The following CERS6 variants were observed in gnomAD, a reference collection of about 807,000 sequenced individuals.
The protein encoded by CERS6 is ceramide synthase 6, also known as LAG1 homolog, ceramide synthase 6.
In CERS6, 26 loss-of-function variants were observed where a neutral mutation model predicts 56.8. The ratio of observed to expected loss-of-function variants is 0.46; its 90% CI spans 0.34 to 0.63. The LOEUF (loss-of-function observed/expected upper bound fraction) is 0.63. CERS6 is among the 30% of genes least tolerant of loss of function. The pLI is 0.01. For synonymous variants in CERS6, 164 were observed against 173.3 expected (o/e 0.95, Z 0.42); for missense variants, 415 against 467.5 (o/e 0.89, Z 1.04).
intron 8 of CERS6, among the ~76,000 whole-genome samples, chr2:168,763,497 G>A (rs1006211540): frequency 1.3e-5 from 2 of 151,836 alleles, no homozygotes; most frequent in African/African-American, 4.8e-5. Context: ...CCTGACCTCA[G>A]GTGATCCACC....
intron 1 of CERS6, among the ~76,000 whole-genome samples, chr2:168,490,950 C>T (rs1485182391): frequency 6.6e-6 from 1 of 152,176 alleles, no homozygotes; most frequent in Admixed American, 6.5e-5. Context: ...CAATTTTCTT[C>T]TTTTCACTGT....
At chr2:168,628,093 CA>C (rs972428367) in intron 3 of CERS6, among the ~76,000 whole-genome samples, 1 of 152,136 alleles carries the variant, frequency 6.6e-6, no homozygotes, top group African/African-American at 2.4e-5. Flanking sequence ...ATTATATTGG[CA>C]ATGCCTAAAA....
chr2:168,615,492 A>G (rs1304225162), intron 3 of CERS6, among the ~76,000 whole-genome samples: 3 of 152,044 alleles, frequency 2.0e-5, no homozygotes, highest in Non-Finnish European at 4.4e-5. Flanking sequence ...TGAGGGAAGA[A>G]ATCTTTAGTG....
At chr2:168,544,951 A>G (rs1240525572) in intron 1 of CERS6, among the ~76,000 whole-genome samples, 1 of 151,860 alleles carries the variant, frequency 6.6e-6, no homozygotes, top group African/African-American at 2.4e-5. Context: ...GGCTTGTTTC[A>G]GTGTAGCTGA....
intron 4 of CERS6, among the ~76,000 whole-genome samples, chr2:168,662,144 A>C (rs1422414374): frequency 1.1e-5 from 1 of 93,704 alleles, no homozygotes; most frequent in Non-Finnish European, 2.4e-5. Flanking sequence ...TTTTTTTTTC[A>C]AATTCTGTAC....
intron 3 of CERS6, among the ~76,000 whole-genome samples, chr2:168,584,915 A>G (rs1158495071): frequency 2.0e-5 from 3 of 152,262 alleles, no homozygotes; most frequent in Admixed American, 6.5e-5. Context: ...ATGTAAGTGA[A>G]TATTATCTCT....
chr2:168,662,320 G>A (rs1685651621), intron 4 of CERS6, among the ~76,000 whole-genome samples: 1 of 151,924 alleles, frequency 6.6e-6, no homozygotes, highest in East Asian at 1.9e-4. Flanking sequence ...TTTTTGGCTA[G>A]TGCAATTGCA....
intron 3 of CERS6, among the ~76,000 whole-genome samples, chr2:168,583,673 C>T (rs1683474239): frequency 1.3e-5 from 2 of 152,098 alleles, no homozygotes; most frequent in African/African-American, 4.8e-5. Context: ...TGAAGCAGGA[C>T]CTTTAGAGGA....
At chr2:168,608,081 A>G (rs1259560022) in intron 3 of CERS6, among the ~76,000 whole-genome samples, 1 of 152,188 alleles carries the variant, frequency 6.6e-6, no homozygotes, top group Admixed American at 6.5e-5. Context: ...AACCACCACT[A>G]ATCTATTTTC....
At chr2:168,713,012 A>T (rs992183986) in intron 6 of CERS6, among the ~76,000 whole-genome samples, 2 of 152,008 alleles carry the variant, frequency 1.3e-5, no homozygotes, top group Non-Finnish European at 2.9e-5. Flanking sequence ...CTACTATAAG[A>T]GATCATTTAC....
chr2:168,561,695 G>A (rs1440375721), intron 3 of CERS6, among the ~76,000 whole-genome samples: 2 of 152,142 alleles, frequency 1.3e-5, no homozygotes, highest in African/African-American at 2.4e-5. Context: ...TAAAAACTGA[G>A]ATATTAGGAT....
chr2:168,765,270 A>G (rs1329353769), intron 8 of CERS6, among the ~76,000 whole-genome samples: 5 of 152,242 alleles, frequency 3.3e-5, no homozygotes, highest in African/African-American at 4.8e-5. Context: ...TTACACAACA[A>G]TGTGAATGTA....
chr2:168,715,358 T>A (rs1265296412), intron 7 of CERS6, among the ~76,000 whole-genome samples: 1 of 152,198 alleles, frequency 6.6e-6, no homozygotes, highest in Admixed American at 6.5e-5. Context: ...TGAAAACCTT[T>A]ACTGTTCTAT....
chr2:168,540,467 T>G (rs933510828), intron 1 of CERS6, among the ~76,000 whole-genome samples: 9 of 152,176 alleles, frequency 5.9e-5, no homozygotes, highest in Non-Finnish European at 1.2e-4. Flanking sequence ...CCATTCTGTT[T>G]TAATTGCCTA....
In CERS6 at chr2:168,581,335, C is replaced by G. The variant is rs79548457; in HGVS notation, c.407+20013C>G. On this transcript the variant is annotated intron_variant, in intron 3 of 9. Transcript: ENST00000305747. ...TGCCTGGCCCAATTGCTATCTTTAT[C>G]AGTTCTGGAAAATTCTCAGTCATTA... Among the ~76,000 whole-genome samples the G allele has an allele frequency of 5.6e-3, 848 of 152,294 alleles. 10 individuals carry two copies. Among genetic ancestry groups the G allele is most frequent in the African/African-American group, 0.019 (775 of 41,570 alleles).
intron 4 of CERS6, among the ~76,000 whole-genome samples, chr2:168,652,799 G>A (rs989733796): frequency 1.1e-4 from 16 of 152,006 alleles, no homozygotes; most frequent in African/African-American, 3.9e-4. Context: ...AAAAAATCAC[G>A]ATCTTCCTCA....
At chr2:168,546,223 C>G (rs1169141868) in intron 1 of CERS6, among the ~76,000 whole-genome samples, 1 of 152,078 alleles carries the variant, frequency 6.6e-6, no homozygotes, top group Non-Finnish European at 1.5e-5. Flanking sequence ...TACTTACTGT[C>G]AAGAAGGTAG....
chr2:168,477,026 T>G (rs1265064396), intron 1 of CERS6, among the ~76,000 whole-genome samples: 3 of 152,116 alleles, frequency 2.0e-5, no homozygotes, highest in Non-Finnish European at 4.4e-5. Flanking sequence ...AAATTTATTT[T>G]TCATGGTTCT....
chr2:168,749,421 C>G (rs151205506), intron 8 of CERS6, among the ~76,000 whole-genome samples: 1 of 152,324 alleles, frequency 6.6e-6, no homozygotes, highest in East Asian at 1.9e-4. Context: ...GTATGCCCTC[C>G]TTTTCCCTGG....
Sources: allele counts gnomAD v4.1 joint callset (sites outside exome capture counted in the v4.1 genomes callset), GRCh38; gene constraint gnomAD v4.1.1; transcripts MANE v1.5; gene names NCBI Gene and HGNC (gene_info 2026-07-23, HGNC 2026-07-21).